The following CDK19 variants were observed in gnomAD, a reference collection of about 807,000 sequenced individuals.
CDK19 encodes cyclin dependent kinase 19.
In CDK19, 20 loss-of-function variants were observed where a neutral mutation model predicts 68.3. That is an observed-to-expected ratio of 0.29 (90% CI 0.21 to 0.43). CDK19 has a LOEUF of 0.43. Ranked by LOEUF, CDK19 falls within the 20% of genes least tolerant of loss-of-function variation. CDK19 has a pLI of 1.00. For synonymous variants in CDK19, 221 were observed against 222.8 expected (o/e 0.99, Z 0.07); for missense variants, 339 against 623.5 (o/e 0.54, Z 4.86).
At chr6:110,783,918 G>C (rs1400796831) in intron 1 of CDK19, among the ~76,000 whole-genome samples, 1 of 151,958 alleles carries the variant, frequency 6.6e-6, no homozygotes, top group Non-Finnish European at 1.5e-5. Context: ...CCAGCATTTT[G>C]GGAGGCCGAA....
chr6:110,766,185 A>T (rs1779574347), intron 1 of CDK19, among the ~76,000 whole-genome samples: 1 of 152,238 alleles, frequency 6.6e-6, no homozygotes, highest in Non-Finnish European at 1.5e-5. Flanking sequence ...TACTGAAGAT[A>T]AGGTATCAAC....
intron 1 of CDK19, among the ~76,000 whole-genome samples, chr6:110,749,130 A>G (rs1035869402): frequency 6.6e-6 from 1 of 152,264 alleles, no homozygotes; most frequent in South Asian, 2.1e-4. Context: ...AGAGGAATTT[A>G]CTAAATGCAT....
In CDK19 at chr6:110,746,213, C is replaced by CA. The variant is rs758924489; in HGVS notation, c.129-13dup. On this transcript the variant is annotated splice_polypyrimidine_tract_variant and intron_variant, in intron 1 of 12. Coordinates refer to ENST00000368911, the MANE Select transcript of CDK19 (RefSeq NM_015076.5). ...CCTTTTCATCTTTTCTGCACATAAA[C>CA]AAAAAAACATCATTTTTCCATATAT... The CA allele has an allele frequency of 1.2e-5, 19 of 1,530,676 alleles. No homozygotes were observed. Among genetic ancestry groups the CA allele is most frequent in the East Asian group, 2.3e-5 (1 of 43,498 alleles). The allele number at this position is 1,530,676 out of a possible 1,614,324, so 94.8% of individuals were successfully genotyped here. A position where few individuals can be genotyped will look rare whatever the true frequency, so the allele number is the denominator to read the frequency against.
At chr6:110,655,836 C>A (rs1285507421) in intron 4 of CDK19, among the ~76,000 whole-genome samples, 2 of 152,180 alleles carry the variant, frequency 1.3e-5, no homozygotes, top group African/African-American at 2.4e-5. Flanking sequence ...TTAACAAAAA[C>A]CTGACCAGCT....
intron 4 of CDK19, among the ~76,000 whole-genome samples, chr6:110,664,319 TA>T (rs1244417126): frequency 6.6e-6 from 1 of 152,186 alleles, no homozygotes; most frequent in Non-Finnish European, 1.5e-5. Flanking sequence ...CTTTCAAACT[TA>T]CCCTTATCCC....
chr6:110,740,593 T>A (rs1338096386), intron 2 of CDK19, among the ~76,000 whole-genome samples: 1 of 152,238 alleles, frequency 6.6e-6, no homozygotes, highest in Non-Finnish European at 1.5e-5. Flanking sequence ...GTTTATTCCA[T>A]GATTACAAGC....
chr6:110,638,501 T>A, intron 5 of CDK19, 148 bp downstream of exon 5: 1 of 577,160 alleles, frequency 1.7e-6, no homozygotes, highest in Non-Finnish European at 3.1e-6. Flanking sequence ...TTTTGTAGAC[T>A]ATCTATCTAC....
At chr6:110,661,924 G>C (rs548908855) in intron 4 of CDK19, among the ~76,000 whole-genome samples, 2 of 152,238 alleles carry the variant, frequency 1.3e-5, no homozygotes, top group South Asian at 4.1e-4. Context: ...AATGTGAAAA[G>C]AGCTTTGGGA....
At chr6:110,709,443 C>T (rs1422251686) in intron 2 of CDK19, among the ~76,000 whole-genome samples, 1 of 150,176 alleles carries the variant, frequency 6.7e-6, no homozygotes, top group Non-Finnish European at 1.5e-5. Context: ...CACCATGGCA[C>T]ATGTATACCT....
intron 1 of CDK19, among the ~76,000 whole-genome samples, chr6:110,790,953 C>T (rs781284793): frequency 3.3e-5 from 5 of 152,052 alleles, no homozygotes; most frequent in East Asian, 1.9e-4. Context: ...AGGTGGATCA[C>T]GAGGTCAGGA....
At chr6:110,637,488 T>C (rs753190748) in intron 5 of CDK19, among the ~76,000 whole-genome samples, 11 of 152,146 alleles carry the variant, frequency 7.2e-5, no homozygotes, top group Non-Finnish European at 4.4e-5. Flanking sequence ...GCTAGGGAGT[T>C]AACTGAAAAA....
intron 4 of CDK19, among the ~76,000 whole-genome samples, chr6:110,665,405 C>G (rs1582812949): frequency 6.6e-6 from 1 of 151,978 alleles, no homozygotes; most frequent in African/African-American, 2.4e-5. Context: ...GGTGCCATAA[C>G]CAAAAGAGAG....
At chr6:110,652,148 G>A (rs1026294056) in intron 4 of CDK19, among the ~76,000 whole-genome samples, 4 of 151,964 alleles carry the variant, frequency 2.6e-5, no homozygotes, top group African/African-American at 9.6e-5. Flanking sequence ...AACATCAAAG[G>A]TAAGAAAACC....
At chr6:110,615,694 C>CA (rs1196980467) in intron 12 of CDK19, among the ~76,000 whole-genome samples, 1 of 152,114 alleles carries the variant, frequency 6.6e-6, no homozygotes. Flanking sequence ...TAGTCCATCC[C>CA]AAAACTAAAC....
At chr6:110,646,757 G>A (rs1780617462) in intron 4 of CDK19, among the ~76,000 whole-genome samples, 2 of 151,998 alleles carry the variant, frequency 1.3e-5, no homozygotes, top group African/African-American at 2.4e-5. Context: ...GTTCCACTGC[G>A]CACGGTTGAG....
At chr6:110,735,496 CTAAA>C in intron 2 of CDK19, among the ~76,000 whole-genome samples, 1 of 152,076 alleles carries the variant, frequency 6.6e-6, no homozygotes, top group East Asian at 1.9e-4. Flanking sequence ...AAACTCTGAG[CTAAA>C]TTTCATGAAG....
In CDK19 at chr6:110,754,778, C is replaced by T. The variant is rs535451109; in HGVS notation, c.129-8577G>A. ...TACAGGCGTCAGCCACCCTGCCTGG[C>T]CTAAACTAAATTTTTTATAGAAAAC... On this transcript the variant is annotated intron_variant, in intron 1 of 12. Transcript: ENST00000368911. Among the ~76,000 whole-genome samples, 4 of 152,192 alleles carry T rather than the reference C, an allele frequency of 2.6e-5. No individual in the cohort carries two copies. The East Asian group carries it at 5.8e-4, about 22-fold the overall frequency.
chr6:110,626,969 C>A lies in CDK19; in HGVS notation c.790+33G>T. The A allele has an allele frequency of 1.9e-6, 3 of 1,568,486 alleles. No homozygotes were observed. The South Asian group carries it at 3.6e-5, about 19-fold the overall frequency. ...GAAGAAATGATTTTGAAATATGACT[C>A]AAAATATGACTTTAAAAAGGAAAAT... is the stretch of plus-strand genomic sequence containing the variant. On this transcript the variant is annotated intron_variant, in intron 7 of 12. Coordinates refer to ENST00000368911, the MANE Select transcript of CDK19 (RefSeq NM_015076.5).
intron 1 of CDK19, among the ~76,000 whole-genome samples, chr6:110,808,227 T>G (rs1036122503): frequency 6.6e-6 from 1 of 152,190 alleles, no homozygotes; most frequent in Non-Finnish European, 1.5e-5. Context: ...ACTAACTACA[T>G]TCCAGTAATC....
Sources: gnomAD v4.1 joint callset for allele counts (sites outside exome capture counted in the v4.1 genomes callset) on GRCh38, gnomAD v4.1.1 for gene constraint, MANE v1.5 for transcripts, NCBI Gene and HGNC (gene_info 2026-07-23, HGNC 2026-07-21) for gene names.